The following YBX1 variants were observed in gnomAD, a reference collection of about 807,000 sequenced individuals.
YBX1 encodes the protein Y-box binding protein 1, also known as Y-box-binding protein 1.
In YBX1, 3 loss-of-function variants were observed where a neutral mutation model predicts 41.4. The observed-to-expected ratio is 0.07, with a 90% CI of 0.03 to 0.19. The LOEUF (loss-of-function observed/expected upper bound fraction) is 0.19. YBX1 is among the 10% of genes least tolerant of loss of function. YBX1 has a pLI of 1.00. For missense variants in YBX1, 274 were observed against 462.8 expected, an observed-to-expected ratio of 0.59 and a Z score of 3.74; for synonymous variants, 133 against 165.8, an observed-to-expected ratio of 0.80 and a Z score of 1.52.
chr1:42,687,529 G>A (rs1011875086), intron 2 of YBX1, among the ~76,000 whole-genome samples: 14 of 152,116 alleles, frequency 9.2e-5, no homozygotes, highest in African/African-American at 2.4e-5. Context: ...TGATCCACCC[G>A]CCTAGGCCTC....
chr1:42,686,104 G>A (rs1650189892), intron 2 of YBX1, among the ~76,000 whole-genome samples: 1 of 152,186 alleles, frequency 6.6e-6, no homozygotes. Context: ...GTTAGTGGTT[G>A]AGTATTGATC....
intron 1 of YBX1, 41 bp downstream of exon 1, chr1:42,682,772 C>A: frequency 2.6e-6 from 3 of 1,172,954 alleles, no homozygotes; most frequent in East Asian, 3.5e-5. Context: ...CCTCGGGCAG[C>A]CCAGCAGCGG....
chr1:42,697,058 A>G, intron 5 of YBX1, 114 bp downstream of exon 5: 1 of 1,453,422 alleles, frequency 6.9e-7, no homozygotes, highest in Non-Finnish European at 9.2e-7. Flanking sequence ...GGATTAATTT[A>G]TAATGTAGTC....
At chr1:42,693,552 C>G (rs553975841) in intron 3 of YBX1, 29 bp downstream of exon 3, 8 of 1,610,716 alleles carry the variant, frequency 5.0e-6, no homozygotes, top group Non-Finnish European at 5.9e-6. Flanking sequence ...ATTTGCACTT[C>G]TGATTCAAGG....
In YBX1 at chr1:42,682,667, A is replaced by G. The variant is rs928162436; in HGVS notation, c.102A>G (p.Ala34=). ...DTKPGTTGSG[A]GSGGPGGLTS... ...AGCCCGGCACTACGGGCAGCGGCGCAGGGAGCGGTGGCCCGGGCGGCCTCA... is the reference window on the plus strand; with the variant it reads ...AGCCCGGCACTACGGGCAGCGGCGCGGGGAGCGGTGGCCCGGGCGGCCTCA... The change falls in exon 1 of 8, where the codon GCA becomes GCG. Residue 34 remains alanine (A), a synonymous_variant. Transcript: ENST00000321358. The G allele has an allele frequency of 5.2e-5, 67 of 1,299,912 alleles. No individual in the cohort carries two copies. In the African/African-American group the frequency reaches 9.5e-4, roughly 18 times the overall value. 80.5% of individuals were successfully genotyped at this position (1,299,912 alleles called of 1,614,324 possible).
Position 42,682,653 on chromosome 1 carries a change from A to T in YBX1, c.88A>T (p.Thr30Ser), listed in dbSNP as rs982356035. Residue 30 changes from threonine (T) to serine (S), a missense_variant, in exon 1 of 8, where the codon ACG (threonine) becomes TCG (serine). This residue lies in a region of YBX1 where 84 missense variants were observed against 130.8 expected (regional missense o/e 0.64). Transcript: ENST00000321358. ...CGCCGCCGACACCAAGCCCGGCACT[A>T]CGGGCAGCGGCGCAGGGAGCGGTGG... Reference protein sequence around the residue: ...LSAADTKPGTTGSGAGSGGPG... With the variant: ...LSAADTKPGTSGSGAGSGGPG... 27 of 1,357,062 alleles carry T rather than the reference A, an allele frequency of 2.0e-5. No homozygotes were observed. The African/African-American group carries it at 3.8e-4, about 19-fold the overall frequency. The allele number at this position is 1,357,062 out of a possible 1,614,324, so 84.1% of individuals were successfully genotyped here. A position where few individuals can be genotyped will look rare whatever the true frequency, so the allele number is the denominator to read the frequency against.
At chr1:42,689,339 A>G (rs1009431932) in intron 2 of YBX1, among the ~76,000 whole-genome samples, 5 of 152,188 alleles carry the variant, frequency 3.3e-5, no homozygotes, top group African/African-American at 1.2e-4. Context: ...TAGGTTATGG[A>G]GCATATAGAT....
intron 7 of YBX1, among the ~76,000 whole-genome samples, chr1:42,701,780 G>A (rs921160356): frequency 6.6e-6 from 1 of 151,956 alleles, no homozygotes; most frequent in East Asian, 1.9e-4. Flanking sequence ...ACATGATATC[G>A]AGAGGTACGT....
chr1:42,683,190 C>G, intron 1 of YBX1: 1 of 671,670 alleles, frequency 1.5e-6, no homozygotes, highest in South Asian at 1.6e-5. Context: ...GGGGCCCGCG[C>G]CCCGGGCCTG....
At position 42,696,222 on chromosome 1, in the gene YBX1, C is replaced by T; in HGVS notation, c.288C>T (p.Pro96=). Reference sequence around the variant, plus strand: ...AGACTGCCATAAAGAAGAATAACCCCAGGAAGTACCTTCGCAGTGTAGGAG... The same window carrying T: ...AGACTGCCATAAAGAAGAATAACCCTAGGAAGTACCTTCGCAGTGTAGGAG... The part of the protein sequence containing the change: ...VHQTAIKKNN[P]RKYLRSVGDG... The change falls in exon 4 of 8, where the codon CCC becomes CCT. Residue 96 remains proline, a synonymous_variant. Transcript: ENST00000321358. The surrounding 1 kb of genome is among the most constrained non-coding windows in gnomAD (Gnocchi z 5.7). 6.2e-7 allele frequency: 1 copy of T among 1,611,698 alleles called. No homozygotes were observed. Among genetic ancestry groups the T allele is most frequent in the Non-Finnish European group, 8.5e-7 (1 of 1,178,572 alleles).
Position 42,702,226 on chromosome 1 carries a change from T to A in YBX1, c.*277T>A, listed in dbSNP as rs949385401. On this transcript the variant is annotated 3_prime_UTR_variant, in exon 8 of 8. Coordinates refer to ENST00000321358, the MANE Select transcript of YBX1 (RefSeq NM_004559.5). Reference sequence around the variant, plus strand: ...CGCCTTTAAAGGTTTTTAAATTGTTTCATATCTGGTCAAGTTGAGATTTTT... The same window carrying A: ...CGCCTTTAAAGGTTTTTAAATTGTTACATATCTGGTCAAGTTGAGATTTTT... The A allele has an allele frequency of 1.3e-5, 2 of 152,698 alleles. No individual in the cohort carries two copies. Among genetic ancestry groups the A allele is most frequent in the African/African-American group, 4.8e-5 (2 of 41,470 alleles). The allele number at this position is 152,698 out of a possible 1,614,324, so 9.5% of individuals were successfully genotyped here.
At chr1:42,689,476 C>G (rs552588018) in intron 2 of YBX1, among the ~76,000 whole-genome samples, 2 of 152,004 alleles carry the variant, frequency 1.3e-5, no homozygotes, top group Non-Finnish European at 2.9e-5. Flanking sequence ...CATTTAGTTA[C>G]GGATAAATTT....
chr1:42,696,571 G>C lies in YBX1; in HGVS notation c.355-71G>C. On this transcript the variant is annotated intron_variant, in intron 4 of 7. Transcript: ENST00000321358. The surrounding 1 kb of genome is among the most constrained non-coding windows in gnomAD (Gnocchi z 5.7). ...TTTTTGCTTTGTTTGAAAATGTTCT[G>C]ATTTCCTTTTGAAAGTGTTGAAAGT... is the stretch of plus-strand genomic sequence containing the variant. The C allele has an allele frequency of 1.0e-6, 1 of 975,904 alleles. No homozygotes were observed. The highest frequency in any genetic ancestry group is 1.4e-6 in the Non-Finnish European group (1 of 732,832). 60.5% of individuals were successfully genotyped at this position (975,904 alleles called of 1,614,324 possible).
Position 42,696,193 on chromosome 1 carries a change from T to C in YBX1, c.265-6T>C. ...TTAATCTATTTTTGGAATGTGATAT[T>C]ACTAGACTGCCATAAAGAAGAATAA... On this transcript the variant is annotated splice_polypyrimidine_tract_variant and splice_region_variant and intron_variant, in intron 3 of 7. Transcript: ENST00000321358. This position sits in a 1 kb window ranked among gnomAD's most constrained non-coding sequence, Gnocchi z 5.7. The C allele has an allele frequency of 6.2e-7, 1 of 1,604,760 alleles. No individual in the cohort carries two copies. The highest frequency in any genetic ancestry group is 8.5e-7 in the Non-Finnish European group (1 of 1,174,624).
At chr1:42,692,113 C>G (rs533256850) in intron 2 of YBX1, among the ~76,000 whole-genome samples, 81 of 152,320 alleles carry the variant, frequency 5.3e-4, no homozygotes, top group Middle Eastern at 6.8e-3. Context: ...CAGGCGTGAG[C>G]CACTGCACCC....
chr1:42,693,381 A>G (rs1650387345), intron 2 of YBX1, 109 bp from the exon 3 acceptor site: 2 of 1,339,164 alleles, frequency 1.5e-6, no homozygotes, highest in Admixed American at 2.0e-5. Context: ...ATTTTTGCCA[A>G]ATTTCCTGGT....
intron 2 of YBX1, among the ~76,000 whole-genome samples, chr1:42,687,478 C>A (rs1650224375): frequency 6.6e-6 from 1 of 152,180 alleles, no homozygotes; most frequent in South Asian, 2.1e-4. Flanking sequence ...AACAGGGTTT[C>A]TCCATGTTGG....
chr1:42,699,317 A>T (rs1051212364), intron 6 of YBX1, among the ~76,000 whole-genome samples: 2 of 152,228 alleles, frequency 1.3e-5, no homozygotes, highest in Admixed American at 6.5e-5. Flanking sequence ...AAGTTTGAAA[A>T]GTTTGGGGCA....
intron 2 of YBX1, among the ~76,000 whole-genome samples, chr1:42,690,498 A>G (rs1014401748): frequency 6.6e-6 from 1 of 152,176 alleles, no homozygotes; most frequent in Non-Finnish European, 1.5e-5. Context: ...CACCAGAACC[A>G]CATTTAGACT....
Sources: allele counts gnomAD v4.1 joint callset (sites outside exome capture counted in the v4.1 genomes callset), GRCh38; gene constraint gnomAD v4.1.1; regional missense constraint gnomAD v4.1.1; non-coding constraint Gnocchi (gnomAD v3.1); transcripts MANE v1.5; gene names NCBI Gene and HGNC (gene_info 2026-07-23, HGNC 2026-07-21).